PTPRK: variants seen among roughly 807,000 people sequenced by gnomAD.
PTPRK encodes the protein protein tyrosine phosphatase receptor type K, also known as receptor-type tyrosine-protein phosphatase kappa.
A neutral mutation model predicts 178.0 loss-of-function variants in PTPRK; 75 were observed. The ratio of observed to expected loss-of-function variants is 0.42; its 90% CI spans 0.35 to 0.51. The LOEUF is 0.51. PTPRK is among the 20% of genes least tolerant of loss of function. The pLI is 0.02. For synonymous variants in PTPRK, 637 were observed against 620.6 expected, an observed-to-expected ratio of 1.03 and a Z score of -0.39; for missense variants, 1,441 against 1,797.8, an observed-to-expected ratio of 0.80 and a Z score of 3.59.
chr6:127,993,175 A>G (rs1460303815), intron 18 of PTPRK, among the ~76,000 whole-genome samples: 1 of 151,786 alleles, frequency 6.6e-6, no homozygotes, highest in African/African-American at 2.4e-5. Context: ...GCATGTGTGC[A>G]TCCAATCAAA....
intron 3 of PTPRK, among the ~76,000 whole-genome samples, chr6:128,294,209 A>T (rs1823878131): frequency 6.6e-6 from 1 of 152,138 alleles, no homozygotes; most frequent in African/African-American, 2.4e-5. Flanking sequence ...AAAAAGAAGA[A>T]ATCAATGTTT....
chr6:128,058,732 A>ATT (rs372505479), intron 13 of PTPRK, among the ~76,000 whole-genome samples: 1 of 149,404 alleles, frequency 6.7e-6, no homozygotes, highest in Non-Finnish European at 1.5e-5. Flanking sequence ...AATTGTTTAA[A>ATT]TTTTTTTTTT....
chr6:128,388,565 G>A (rs1281713433), intron 2 of PTPRK, among the ~76,000 whole-genome samples: 1 of 152,108 alleles, frequency 6.6e-6, no homozygotes, highest in Admixed American at 6.6e-5. Context: ...TTTTGCTGCA[G>A]TCTCTAAAGA....
At chr6:128,128,951 C>T (rs1164558266) in intron 7 of PTPRK, among the ~76,000 whole-genome samples, 2 of 152,180 alleles carry the variant, frequency 1.3e-5, no homozygotes, top group African/African-American at 4.8e-5. Context: ...AACAAGAATT[C>T]TTTCTATCAA....
intron 14 of PTPRK, 44 bp from the exon 15 acceptor site, chr6:128,005,288 TGCAGGAGAGTTAACACCA>T (rs771367590): frequency 1.3e-6 from 2 of 1,599,010 alleles, no homozygotes; most frequent in South Asian, 2.2e-5. Flanking sequence ...GTTTGAGGCT[TGCAGGAGAGTTAACACCA>T]GCAATAAATA....
intron 6 of PTPRK, among the ~76,000 whole-genome samples, chr6:128,190,007 A>G (rs1803483043): frequency 6.6e-6 from 1 of 152,212 alleles, no homozygotes; most frequent in African/African-American, 2.4e-5. Flanking sequence ...AAGAAACTTA[A>G]TATTACTGAT....
At chr6:128,093,356 G>A (rs893489522) in intron 7 of PTPRK, among the ~76,000 whole-genome samples, 5 of 151,828 alleles carry the variant, frequency 3.3e-5, no homozygotes, top group South Asian at 2.1e-4. Flanking sequence ...CAGTTTGGGA[G>A]GCCATGGTGG....
intron 7 of PTPRK, among the ~76,000 whole-genome samples, chr6:128,095,136 A>G (rs2115039078): frequency 6.6e-6 from 1 of 152,266 alleles, no homozygotes; most frequent in Non-Finnish European, 1.5e-5. Flanking sequence ...TGACTTTTCT[A>G]AAAAGACCCA....
At chr6:128,270,980 C>T (rs182558136) in intron 3 of PTPRK, among the ~76,000 whole-genome samples, 2 of 151,964 alleles carry the variant, frequency 1.3e-5, no homozygotes, top group African/African-American at 2.4e-5. Context: ...GCTATGATTC[C>T]GACTACTTCG....
chr6:128,126,884 T>C (rs1037739397), intron 7 of PTPRK, among the ~76,000 whole-genome samples: 1 of 152,220 alleles, frequency 6.6e-6, no homozygotes, highest in Non-Finnish European at 1.5e-5. Context: ...AAAGTAACTG[T>C]ACCAACTTGC....
chr6:128,317,330 C>G (rs989993974), intron 3 of PTPRK, among the ~76,000 whole-genome samples: 4 of 151,978 alleles, frequency 2.6e-5, no homozygotes, highest in African/African-American at 9.7e-5. Flanking sequence ...GCCTAGTATC[C>G]CACTCACAGT....
intron 6 of PTPRK, among the ~76,000 whole-genome samples, chr6:128,188,903 T>C (rs757007243): frequency 3.9e-5 from 6 of 152,216 alleles, no homozygotes; most frequent in Admixed American, 2.6e-4. Flanking sequence ...TGCTTGTGAT[T>C]GCAGTTAGGC....
intron 3 of PTPRK, among the ~76,000 whole-genome samples, chr6:128,273,294 C>T (rs1010599783): frequency 1.3e-5 from 2 of 151,778 alleles, no homozygotes; most frequent in African/African-American, 4.8e-5. Flanking sequence ...ACCAATATGG[C>T]ACATGTATAC....
chr6:128,359,630 T>C (rs933651998), intron 2 of PTPRK, among the ~76,000 whole-genome samples: 1 of 151,954 alleles, frequency 6.6e-6, no homozygotes, highest in Non-Finnish European at 1.5e-5. Context: ...CAAGCGCCTG[T>C]AATCCCAGCT....
intron 1 of PTPRK, among the ~76,000 whole-genome samples, chr6:128,516,572 A>C (rs1858064368): frequency 6.6e-6 from 1 of 152,238 alleles, no homozygotes; most frequent in South Asian, 2.1e-4. Flanking sequence ...AATAAGTATA[A>C]GAGAAATTAA....
chr6:128,201,884 T>C (rs79917909), intron 6 of PTPRK, among the ~76,000 whole-genome samples: 3,914 of 152,192 alleles, frequency 0.026, 107 homozygotes, highest in African/African-American at 0.07. Context: ...GTAAGAATCA[T>C]TGAAATTTAA....
chr6:128,370,712 T>A (rs187102053), intron 2 of PTPRK, among the ~76,000 whole-genome samples: 1 of 152,178 alleles, frequency 6.6e-6, no homozygotes, highest in African/African-American at 2.4e-5. Context: ...TTTAGACTTT[T>A]GTTATTACTA....
chr6:127,999,884 T>C (rs1777597541), intron 15 of PTPRK: 1 of 804,956 alleles, frequency 1.2e-6, no homozygotes, highest in Non-Finnish European at 1.5e-6. Flanking sequence ...CCACTCACAA[T>C]TAAGCGTAAG....
At chr6:128,480,412 G>C (rs1021602992) in intron 1 of PTPRK, among the ~76,000 whole-genome samples, 1 of 148,778 alleles carries the variant, frequency 6.7e-6, no homozygotes, top group African/African-American at 2.5e-5. Context: ...AGTTATTTGT[G>C]ACTCTTTCTC....
Sources: allele counts gnomAD v4.1 joint callset (sites outside exome capture counted in the v4.1 genomes callset), GRCh38; gene constraint gnomAD v4.1.1; transcripts MANE v1.5; gene names NCBI Gene and HGNC (gene_info 2026-07-23, HGNC 2026-07-21).